The following TENM2 variants were observed in gnomAD, a reference collection of about 807,000 sequenced individuals.
TENM2 encodes the protein teneurin-2.
In TENM2, 52 loss-of-function variants were observed where a neutral mutation model predicts 245.2. The ratio of observed to expected loss-of-function variants is 0.21; its 90% confidence interval spans 0.17 to 0.27. The LOEUF is 0.27. Ranked by LOEUF, TENM2 falls within the 10% of genes least tolerant of loss-of-function variation. The pLI is 1.00. For missense variants in TENM2, 3,046 were observed against 3,666.8 expected (o/e 0.83, Z 4.37); for synonymous variants, 1,363 against 1,438.9 (o/e 0.95, Z 1.19).
At chr5:167,379,931 C>CAGA (rs1554141898) in intron 2 of TENM2, among the ~76,000 whole-genome samples, 1 of 132,268 alleles carries the variant, frequency 7.6e-6, no homozygotes, top group Non-Finnish European at 1.6e-5. Flanking sequence ...AAAAACATAC[C>CAGA]AAAAAAAAAA....
chr5:167,684,590 CAA>C (rs965325241), intron 2 of TENM2, among the ~76,000 whole-genome samples: 2 of 152,140 alleles, frequency 1.3e-5, no homozygotes, highest in African/African-American at 2.4e-5. Flanking sequence ...AGATGGGAAA[CAA>C]AGAGATAATT....
At chr5:167,364,901 A>G (rs571496271) in intron 1 of TENM2, among the ~76,000 whole-genome samples, 1 of 152,214 alleles carries the variant, frequency 6.6e-6, no homozygotes, top group Non-Finnish European at 1.5e-5. Context: ...AACTGAAAAA[A>G]TATCTAGACA....
chr5:167,354,475 A>AG (rs145056886), intron 1 of TENM2, among the ~76,000 whole-genome samples: 33,711 of 151,834 alleles, frequency 0.22, 3,864 homozygotes, highest in Non-Finnish European at 0.25. Flanking sequence ...TATTCTCTAC[A>AG]AGCTTTCCCT....
intron 2 of TENM2, among the ~76,000 whole-genome samples, chr5:167,610,214 G>A (rs1200884504): frequency 6.6e-6 from 1 of 152,084 alleles, no homozygotes; most frequent in African/African-American, 2.4e-5. Flanking sequence ...AAAGGGGTGT[G>A]GAGCTTTCAT....
At chr5:167,027,630 G>T in the TENM2 span, among the ~76,000 whole-genome samples, 3 of 151,926 alleles carry the variant, frequency 2.0e-5, no homozygotes, top group African/African-American at 4.8e-5. Flanking sequence ...TATATTTATT[G>T]ATCTTTTTCC....
intron 1 of TENM2, among the ~76,000 whole-genome samples, chr5:167,334,351 T>C (rs1757635517): frequency 6.6e-6 from 1 of 152,236 alleles, no homozygotes; most frequent in Admixed American, 6.5e-5. Context: ...TAAAATTTTC[T>C]TAAAATATGC....
chr5:167,277,786 T>C, the TENM2 span, among the ~76,000 whole-genome samples: 1 of 151,940 alleles, frequency 6.6e-6, no homozygotes, highest in African/African-American at 2.4e-5. Flanking sequence ...TTTGCAGATA[T>C]GTTTTTTGTG....
intron 2 of TENM2, among the ~76,000 whole-genome samples, chr5:167,503,705 G>A (rs925215883): frequency 6.6e-6 from 1 of 152,090 alleles, no homozygotes; most frequent in African/African-American, 2.4e-5. Flanking sequence ...ACCAGTCTGG[G>A]TAACACGGCA....
At chr5:167,464,853 GA>G (rs576517045) in intron 2 of TENM2, among the ~76,000 whole-genome samples, 1 of 152,078 alleles carries the variant, frequency 6.6e-6, no homozygotes, top group Admixed American at 6.5e-5. Context: ...TAAATTTTCT[GA>G]AAAAAAGCAC....
chr5:167,126,427 A>T, the TENM2 span, among the ~76,000 whole-genome samples: 3 of 151,984 alleles, frequency 2.0e-5, no homozygotes, highest in South Asian at 6.2e-4. Flanking sequence ...CTTCAGCTTG[A>T]CCTTTTGTGA....
chr5:168,062,042 T>TC lies in TENM2; in HGVS notation c.1310-16dup, dbSNP rs1157422444. The TC allele has an allele frequency of 7.1e-7, 1 of 1,402,562 alleles. No homozygotes were observed. Among genetic ancestry groups the TC allele is most frequent in the Non-Finnish European group, 9.7e-7 (1 of 1,027,664 alleles). The allele number at this position is 1,402,562 out of a possible 1,614,324, so 86.9% of individuals were successfully genotyped here. A position where few individuals can be genotyped will look rare whatever the true frequency, so the allele number is the denominator to read the frequency against. ...ATACACGTCATTGACTGCTGTTTAT[T>TC]CCTTTTTTTTTTTTCAGTGCCCTGG... On this transcript the variant is annotated splice_polypyrimidine_tract_variant and intron_variant, in intron 6 of 28. Coordinates refer to ENST00000518659, the Ensembl canonical transcript of TENM2.
exon 4 of TENM2, chr5:167,952,604 C>G: frequency 6.2e-7 from 1 of 1,611,564 alleles, no homozygotes; most frequent in South Asian, 1.1e-5. Context: ...CGAACCACCA[C>G]AGCCAGTCGA....
intron 2 of TENM2, among the ~76,000 whole-genome samples, chr5:167,559,636 G>A (rs762967899): frequency 2.6e-5 from 4 of 151,954 alleles, no homozygotes; most frequent in Non-Finnish European, 2.9e-5. Context: ...AAATACATGC[G>A]TGGCCCATTG....
chr5:168,073,894 C>T (rs1038847107), intron 7 of TENM2, among the ~76,000 whole-genome samples: 9 of 152,156 alleles, frequency 5.9e-5, no homozygotes, highest in African/African-American at 2.2e-4. Flanking sequence ...TACTGAGCAC[C>T]TATATGCGAC....
At chr5:167,833,786 A>G (rs1165282848) in intron 2 of TENM2, among the ~76,000 whole-genome samples, 1 of 152,210 alleles carries the variant, frequency 6.6e-6, no homozygotes, top group Non-Finnish European at 1.5e-5. Context: ...CAGCCTCAGT[A>G]AGCAACAGAG....
intron 2 of TENM2, among the ~76,000 whole-genome samples, chr5:167,611,240 CT>C (rs1444738622): frequency 2.0e-5 from 3 of 152,224 alleles, no homozygotes; most frequent in Admixed American, 6.5e-5. Context: ...AATATCTCTA[CT>C]TTTTTTTCTT....
chr5:167,587,806 A>G (rs1775606075), intron 2 of TENM2, among the ~76,000 whole-genome samples: 1 of 152,192 alleles, frequency 6.6e-6, no homozygotes, highest in African/African-American at 2.4e-5. Context: ...TTAGTTTCCC[A>G]CAGTGATGCA....
At chr5:167,688,605 G>C (rs1757227852) in intron 2 of TENM2, among the ~76,000 whole-genome samples, 1 of 152,186 alleles carries the variant, frequency 6.6e-6, no homozygotes, top group African/African-American at 2.4e-5. Context: ...CCTGTGTATT[G>C]CACCATGTCC....
the TENM2 span, among the ~76,000 whole-genome samples, chr5:167,025,072 T>A: frequency 6.6e-6 from 1 of 152,180 alleles, no homozygotes; most frequent in South Asian, 2.1e-4. Flanking sequence ...ACAGGTGATG[T>A]TGAAAAACAT....
Sources: allele counts gnomAD v4.1 joint callset (sites outside exome capture counted in the v4.1 genomes callset), GRCh38; gene constraint gnomAD v4.1.1; transcripts MANE v1.5; gene names NCBI Gene and HGNC (gene_info 2026-07-23, HGNC 2026-07-21).